Variants in NELL2 observed in about 807,000 individuals in gnomAD.
NELL2 encodes the protein neural EGFL like 2, also known as protein kinase C-binding protein NELL2.
A neutral mutation model predicts 109.6 loss-of-function variants in NELL2; 41 were observed. The ratio of observed to expected loss-of-function variants is 0.37; its 90% CI spans 0.29 to 0.49. NELL2 has a LOEUF of 0.49. Among genes scored for constraint, NELL2 ranks in the 20% least tolerant of loss-of-function variants. NELL2 has a pLI of 0.98. For synonymous variants in NELL2, 355 were observed against 344.7 expected, an observed-to-expected ratio of 1.03 and a Z score of -0.33; for missense variants, 900 against 1,008.3, an observed-to-expected ratio of 0.89 and a Z score of 1.45.
intron 15 of NELL2, among the ~76,000 whole-genome samples, chr12:44,588,119 G>T (rs1418066861): frequency 1.3e-5 from 2 of 149,858 alleles, no homozygotes; most frequent in Non-Finnish European, 3.0e-5. Context: ...AGTGAGCCGA[G>T]ATCATCGTGC....
chr12:44,526,146 A>C (rs759224871), intron 16 of NELL2, among the ~76,000 whole-genome samples: 3 of 148,986 alleles, frequency 2.0e-5, no homozygotes, highest in Non-Finnish European at 4.5e-5. Context: ...AGAGAAATGC[A>C]AAAAAAAAAT....
At chr12:44,711,817 T>A (rs951100936) in intron 10 of NELL2, among the ~76,000 whole-genome samples, 31 of 152,212 alleles carry the variant, frequency 2.0e-4, no homozygotes, top group Middle Eastern at 6.8e-3. Flanking sequence ...AGTTTTATTA[T>A]AAGGAGATTC....
chr12:44,779,148 T>C (rs1941861645), intron 5 of NELL2, among the ~76,000 whole-genome samples: 1 of 152,220 alleles, frequency 6.6e-6, no homozygotes, highest in East Asian at 1.9e-4. Flanking sequence ...AGAAATTCTA[T>C]GAAGTGTTGT....
intron 1 of NELL2, among the ~76,000 whole-genome samples, chr12:44,886,493 G>A: frequency 6.6e-6 from 1 of 151,130 alleles, no homozygotes; most frequent in East Asian, 1.9e-4. Context: ...AATTAAAAAA[G>A]ATAGGCAAAA....
At chr12:44,572,539 G>A (rs1943913512) in intron 15 of NELL2, among the ~76,000 whole-genome samples, 2 of 152,068 alleles carry the variant, frequency 1.3e-5, no homozygotes, top group South Asian at 2.1e-4. Context: ...AACATACTAG[G>A]AATTTATTTT....
At chr12:44,854,676 ATGGATGGG>A (rs150545501) in intron 2 of NELL2, among the ~76,000 whole-genome samples, 59,306 of 142,060 alleles carry the variant, frequency 0.42, 12,585 homozygotes, top group Non-Finnish European at 0.48. Context: ...GGATGGATGG[ATGGATGGG>A]TGGATGGATG....
chr12:44,823,834 A>T (rs1478013886), intron 2 of NELL2, among the ~76,000 whole-genome samples: 1 of 152,182 alleles, frequency 6.6e-6, no homozygotes, highest in African/African-American at 2.4e-5. Flanking sequence ...TAATGGCTGT[A>T]CCAATTTACG....
At chr12:44,662,361 C>G (rs1373069620) in intron 13 of NELL2, among the ~76,000 whole-genome samples, 1 of 152,068 alleles carries the variant, frequency 6.6e-6, no homozygotes, top group Admixed American at 6.6e-5. Context: ...AATCATTTCC[C>G]TTTACTTTTG....
intron 2 of NELL2, among the ~76,000 whole-genome samples, chr12:44,868,569 A>C (rs920474953): frequency 6.6e-6 from 1 of 152,218 alleles, no homozygotes; most frequent in South Asian, 2.1e-4. Context: ...TCAAAGAAGA[A>C]AATCCTGTTA....
At chr12:44,829,209 A>C (rs1219500958) in intron 2 of NELL2, among the ~76,000 whole-genome samples, 1 of 152,176 alleles carries the variant, frequency 6.6e-6, no homozygotes, top group Non-Finnish European at 1.5e-5. Flanking sequence ...AATAAGAAGA[A>C]TGATGATAAG....
intron 3 of NELL2, among the ~76,000 whole-genome samples, chr12:44,783,945 T>C (rs963064999): frequency 6.6e-6 from 1 of 152,052 alleles, no homozygotes; most frequent in Non-Finnish European, 1.5e-5. Flanking sequence ...CAAATATAAT[T>C]CAGCAATATA....
chr12:44,694,862 C>T (rs969467055), intron 12 of NELL2, among the ~76,000 whole-genome samples: 12 of 152,102 alleles, frequency 7.9e-5, no homozygotes, highest in African/African-American at 2.9e-4. Context: ...CTTTGTGAGG[C>T]TATCGCTCAT....
chr12:44,729,617 T>G (rs1051264697), intron 9 of NELL2, among the ~76,000 whole-genome samples: 1 of 149,930 alleles, frequency 6.7e-6, no homozygotes, highest in Non-Finnish European at 1.5e-5. Context: ...AAGACTTACC[T>G]AAGATTTAAT....
In NELL2 at chr12:44,714,749, G is replaced by T; in HGVS notation, c.995-8C>A. 6.5e-7 allele frequency: 1 copy of T among 1,547,186 alleles called. No individual in the cohort carries two copies. Among genetic ancestry groups the T allele is most frequent in the Non-Finnish European group, 8.8e-7 (1 of 1,137,068 alleles). ...CTTGAAATTGGCATATCGCTTTGGA[G>T]TAAAAAATACATATATATTTATTTT... On this transcript the variant is annotated splice_polypyrimidine_tract_variant and splice_region_variant and intron_variant, in intron 9 of 19. Transcript: ENST00000429094.
intron 12 of NELL2, among the ~76,000 whole-genome samples, chr12:44,669,466 C>T (rs1053186697): frequency 4.0e-5 from 6 of 151,874 alleles, no homozygotes; most frequent in Non-Finnish European, 8.8e-5. Context: ...CAGTGAAATA[C>T]AAGCAAACAC....
At chr12:44,601,655 C>T (rs1945226508) in intron 15 of NELL2, among the ~76,000 whole-genome samples, 1 of 152,090 alleles carries the variant, frequency 6.6e-6, no homozygotes, top group African/African-American at 2.4e-5. Flanking sequence ...AGTTTATTTA[C>T]AGTTCAACTT....
intron 2 of NELL2, among the ~76,000 whole-genome samples, chr12:44,864,057 A>T (rs1231976320): frequency 6.6e-6 from 1 of 152,180 alleles, no homozygotes; most frequent in Non-Finnish European, 1.5e-5. Flanking sequence ...AAAAATCTAC[A>T]ATAGATACAT....
intron 15 of NELL2, among the ~76,000 whole-genome samples, chr12:44,533,106 T>A (rs1258635301): frequency 6.6e-6 from 1 of 152,040 alleles, no homozygotes; most frequent in Non-Finnish European, 1.5e-5. Flanking sequence ...AGTTAAGGAG[T>A]GATAAGTGTC....
At position 44,538,731 on chromosome 12, in the gene NELL2, G is replaced by C. The variant is rs559335831; in HGVS notation, c.1664-6010C>G. On this transcript the variant is annotated intron_variant, in intron 15 of 19. Coordinates refer to ENST00000429094, the MANE Select transcript of NELL2 (RefSeq NM_001145108.2). Reference sequence around the variant, plus strand: ...AAAAAGTGGAGACAAGGATAAAGAAGCATGTTTTCTTAAATGCTTATCTTT... The same window carrying C: ...AAAAAGTGGAGACAAGGATAAAGAACCATGTTTTCTTAAATGCTTATCTTT... Among the ~76,000 whole-genome samples, 4 of 152,202 alleles carry C rather than the reference G, an allele frequency of 2.6e-5. No homozygotes were observed. In the South Asian group the frequency reaches 8.3e-4, roughly 32 times the overall value.
Sources: allele counts gnomAD v4.1 joint callset (sites outside exome capture counted in the v4.1 genomes callset), GRCh38; gene constraint gnomAD v4.1.1; transcripts MANE v1.5; gene names NCBI Gene and HGNC (gene_info 2026-07-23, HGNC 2026-07-21).